MAF: variants seen among roughly 807,000 people sequenced by gnomAD.
The protein encoded by MAF is transcription factor Maf.
MAF carries 10 observed loss-of-function variants against 22.0 expected under a neutral mutation model. That is an observed-to-expected ratio of 0.45 (90% confidence interval 0.28 to 0.77). The LOEUF (loss-of-function observed/expected upper bound fraction) is 0.77. Among genes scored for constraint, MAF ranks in the 30% least tolerant of loss-of-function variants. The pLI is 0.12. For missense variants in MAF, 544 were observed against 548.4 expected (o/e 0.99, Z 0.08); for synonymous variants, 337 against 255.8 (o/e 1.32, Z -3.03).
At chr16:79,379,399 G>A in the MAF span, among the ~76,000 whole-genome samples, 2 of 152,156 alleles carry the variant, frequency 1.3e-5, no homozygotes, top group Non-Finnish European at 2.9e-5. Context: ...ATGTATGCAT[G>A]AGTTGCCAAT....
the MAF span, among the ~76,000 whole-genome samples, chr16:79,236,348 T>C: frequency 0.073 from 11,008 of 151,808 alleles, 591 homozygotes; most frequent in Middle Eastern, 0.15. Context: ...TCCTCCAGGC[T>C]CATTGAGGGG....
chr16:79,411,265 G>A, the MAF span, among the ~76,000 whole-genome samples: 4 of 152,158 alleles, frequency 2.6e-5, no homozygotes, highest in African/African-American at 9.7e-5. Context: ...ATTCAAGACA[G>A]GTGCTCAGTA....
intron 1 of MAF, 196 bp downstream of exon 1, chr16:79,598,581 GGTGTGTGT>G (rs5818250): frequency 1.6e-4 from 227 of 1,410,636 alleles, no homozygotes; most frequent in South Asian, 5.5e-4. Flanking sequence ...CAGGGTGTGG[GGTGTGTGT>G]GTGTGTGTGT....
the MAF span, among the ~76,000 whole-genome samples, chr16:79,460,734 T>C: frequency 3.9e-5 from 6 of 152,190 alleles, no homozygotes; most frequent in Admixed American, 1.3e-4. Context: ...CCTTGATATG[T>C]TTCTCCAAGT....
At chr16:79,508,339 CT>C in the MAF span, among the ~76,000 whole-genome samples, 3 of 152,162 alleles carry the variant, frequency 2.0e-5, no homozygotes, top group Non-Finnish European at 4.4e-5. Context: ...CAGAGTGAAA[CT>C]GAGTATTCAT....
At chr16:79,591,670 C>G (rs28461478), downstream of MAF, among the ~76,000 whole-genome samples, 33,930 of 152,000 alleles carry the variant, frequency 0.22, 4,222 homozygotes, top group East Asian at 0.5. Context: ...TATTTCTGTG[C>G]GTCGTTGGTT....
the MAF span, among the ~76,000 whole-genome samples, chr16:79,509,752 G>A: frequency 2.0e-5 from 3 of 152,194 alleles, no homozygotes; most frequent in South Asian, 4.1e-4. Context: ...TTTAGGCCTG[G>A]TTTTGATATC....
At chr16:79,249,869 A>G in the MAF span, among the ~76,000 whole-genome samples, 1 of 151,994 alleles carries the variant, frequency 6.6e-6, no homozygotes, top group Non-Finnish European at 1.5e-5. Flanking sequence ...TTGAGTCTGT[A>G]ACATAATGGT....
the MAF span, among the ~76,000 whole-genome samples, chr16:79,465,152 G>T: frequency 8.4e-4 from 128 of 152,232 alleles, no homozygotes; most frequent in African/African-American, 2.9e-3. Context: ...TTGGTTCCAG[G>T]GCTCCCCTCA....
At chr16:79,457,730 G>A in the MAF span, among the ~76,000 whole-genome samples, 3 of 152,116 alleles carry the variant, frequency 2.0e-5, no homozygotes, top group Non-Finnish European at 4.4e-5. Context: ...CCTCAAATGA[G>A]GATTAAGCTT....
the MAF span, among the ~76,000 whole-genome samples, chr16:79,277,341 G>C: frequency 1.3e-5 from 2 of 152,204 alleles, no homozygotes; most frequent in Admixed American, 6.5e-5. Flanking sequence ...ACCCACAAAA[G>C]TTTCTAATCA....
the MAF span, among the ~76,000 whole-genome samples, chr16:79,562,312 G>T: frequency 1.3e-5 from 2 of 152,124 alleles, no homozygotes; most frequent in Admixed American, 6.5e-5. Flanking sequence ...GGTTTGTTTT[G>T]TTCCCATTGA....
At chr16:79,484,359 G>A in the MAF span, among the ~76,000 whole-genome samples, 1 of 152,176 alleles carries the variant, frequency 6.6e-6, no homozygotes, top group East Asian at 1.9e-4. Context: ...GAACCAGAGG[G>A]CTCAAGTGAC....
At chr16:79,357,075 G>T in the MAF span, among the ~76,000 whole-genome samples, 551 of 152,272 alleles carry the variant, frequency 3.6e-3, 2 homozygotes, top group African/African-American at 0.012. Flanking sequence ...AGGCCAACAT[G>T]GTGAAACCCC....
At chr16:79,325,616 CACACACACACACAGA>C in the MAF span, among the ~76,000 whole-genome samples, 3 of 148,170 alleles carry the variant, frequency 2.0e-5, no homozygotes, top group African/African-American at 7.9e-5. Context: ...CACACACACA[CACACACACACACAGA>C]ACACACACAC....
chr16:79,498,701 G>A, the MAF span, among the ~76,000 whole-genome samples: 9 of 152,264 alleles, frequency 5.9e-5, no homozygotes, highest in African/African-American at 1.7e-4. Flanking sequence ...GGAAGAGCTG[G>A]GATTCAAATC....
the MAF span, among the ~76,000 whole-genome samples, chr16:79,482,746 A>C: frequency 6.6e-6 from 1 of 151,922 alleles, no homozygotes; most frequent in Non-Finnish European, 1.5e-5. Flanking sequence ...GCTGCCTCTA[A>C]CCATGCACCC....
At chr16:79,501,842 C>G in the MAF span, among the ~76,000 whole-genome samples, 1 of 152,122 alleles carries the variant, frequency 6.6e-6, no homozygotes, top group African/African-American at 2.4e-5. Flanking sequence ...CGTATTTTCT[C>G]TCCTTGATTT....
the MAF span, among the ~76,000 whole-genome samples, chr16:79,429,811 G>C: frequency 6.6e-6 from 1 of 152,158 alleles, no homozygotes; most frequent in African/African-American, 2.4e-5. Flanking sequence ...GCACTTGCCT[G>C]GTGCTGTGGT....
Sources: gnomAD v4.1 joint callset for allele counts (sites outside exome capture counted in the v4.1 genomes callset) on GRCh38, gnomAD v4.1.1 for gene constraint, MANE v1.5 for transcripts, NCBI Gene and HGNC (gene_info 2026-07-23, HGNC 2026-07-21) for gene names.